Variants in STEAP1B observed in about 807,000 individuals in gnomAD.
STEAP1B encodes the protein STEAP family member 1B.
A neutral mutation model predicts 27.9 loss-of-function variants in STEAP1B; 13 were observed. The observed-to-expected ratio is 0.47, with a 90% CI of 0.30 to 0.74. The LOEUF (loss-of-function observed/expected upper bound fraction) is 0.74, where lower values mean the gene tolerates loss of function less well. STEAP1B is among the 30% of genes least tolerant of loss of function. STEAP1B has a pLI of 0.06. For missense variants in STEAP1B, 250 were observed against 298.7 expected, an observed-to-expected ratio of 0.84 and a Z score of 1.20; for synonymous variants, 86 against 107.1, an observed-to-expected ratio of 0.80 and a Z score of 1.22.
chr7:22,471,664 G>C (rs914345774), intron 4 of STEAP1B, among the ~76,000 whole-genome samples: 1 of 152,070 alleles, frequency 6.6e-6, no homozygotes, highest in African/African-American at 2.4e-5. Flanking sequence ...CAGTGCCATG[G>C]GAGGCTGAGG....
intron 4 of STEAP1B, among the ~76,000 whole-genome samples, chr7:22,483,380 C>T (rs1288923656): frequency 5.9e-5 from 9 of 152,308 alleles, no homozygotes; most frequent in African/African-American, 1.9e-4. Flanking sequence ...AAACAGGAAA[C>T]GTGGAAGTTG....
chr7:22,479,679 C>CTTTTTTTT lies in STEAP1B; in HGVS notation c.762+12878_762+12885dup, dbSNP rs569050091. ...GACAGTAGCCACTAGTCATGTGTGG[C>CTTTTTTTT]TTTTTTTTTTTTTTTTTTTTTCTGA... On this transcript the variant is annotated intron_variant, in intron 4 of 4. Coordinates refer to ENST00000678116, the MANE Select transcript of STEAP1B (RefSeq NM_001382447.1). Among the ~76,000 whole-genome samples the CTTTTTTTT allele has an allele frequency of 1.7e-4, 16 of 92,116 alleles. 1 individual carries two copies. The highest frequency in any genetic ancestry group is 4.2e-4 in the African/African-American group (9 of 21,318). The allele number at this position is 92,116 out of a possible 152,430, so 60.4% of individuals were successfully genotyped here.
At chr7:22,498,886 A>G (rs1372204292) in intron 1 of STEAP1B, among the ~76,000 whole-genome samples, 1 of 152,294 alleles carries the variant, frequency 6.6e-6, no homozygotes, top group East Asian at 1.9e-4. Context: ...AGGAGACCAC[A>G]CTCAAGAGCG....
chr7:22,446,993 A>C (rs1164188930), intron 4 of STEAP1B, among the ~76,000 whole-genome samples: 2 of 152,206 alleles, frequency 1.3e-5, no homozygotes, highest in Non-Finnish European at 2.9e-5. Context: ...ATATAGCTTA[A>C]GGGTTTGCTC....
At chr7:22,479,128 AG>A (rs1166547170) in intron 4 of STEAP1B, among the ~76,000 whole-genome samples, 1 of 152,262 alleles carries the variant, frequency 6.6e-6, no homozygotes, top group African/African-American at 2.4e-5. Flanking sequence ...ACACCCAAGG[AG>A]AAATGAAGTC....
intron 1 of STEAP1B, among the ~76,000 whole-genome samples, chr7:22,498,475 T>C (rs1786479462): frequency 6.6e-6 from 1 of 152,224 alleles, no homozygotes; most frequent in African/African-American, 2.4e-5. Context: ...TAGAAGATCT[T>C]TTAACTTTGA....
intron 4 of STEAP1B, among the ~76,000 whole-genome samples, chr7:22,468,272 C>G (rs1357722951): frequency 6.6e-6 from 1 of 152,082 alleles, no homozygotes; most frequent in Admixed American, 6.6e-5. Context: ...GTGCTTTACA[C>G]ATATTGATTC....
intron 4 of STEAP1B, among the ~76,000 whole-genome samples, chr7:22,445,458 T>C (rs781648002): frequency 1.6e-4 from 24 of 152,238 alleles, no homozygotes; most frequent in Non-Finnish European, 4.4e-5. Context: ...CCGGCAGCCT[T>C]GTGAGAACCG....
At chr7:22,492,805 T>C (rs1207872017) in intron 3 of STEAP1B, 76 bp from the exon 4 acceptor site, 6 of 1,517,488 alleles carry the variant, frequency 4.0e-6, no homozygotes, top group Non-Finnish European at 5.3e-6. Context: ...TTCTACACTC[T>C]TCCCTGTGTG....
chr7:22,430,858 C>T (rs1425769857), intron 4 of STEAP1B, among the ~76,000 whole-genome samples: 1 of 152,218 alleles, frequency 6.6e-6, no homozygotes, highest in Non-Finnish European at 1.5e-5. Flanking sequence ...CTGCATTTTT[C>T]CCAATCTGGT....
At chr7:22,462,500 C>T (rs376611257) in intron 4 of STEAP1B, among the ~76,000 whole-genome samples, 12,285 of 132,298 alleles carry the variant, frequency 0.093, 808 homozygotes, top group Non-Finnish European at 0.13. Flanking sequence ...TTTGTTCTTG[C>T]GATAGTTTAC....
chr7:22,472,296 T>C (rs143393911), intron 4 of STEAP1B, among the ~76,000 whole-genome samples: 9 of 152,308 alleles, frequency 5.9e-5, no homozygotes, highest in African/African-American at 2.2e-4. Context: ...TACATCCCCA[T>C]GTGCAGCCAC....
At chr7:22,464,963 A>ATATATATATATATATATG (rs1785750361) in intron 4 of STEAP1B, among the ~76,000 whole-genome samples, 2 of 129,044 alleles carry the variant, frequency 1.5e-5, no homozygotes, top group Non-Finnish European at 3.3e-5. Context: ...ATATATATAT[A>ATATATATATATATATATG]TGTAGGCACA....
At chr7:22,491,202 G>C (rs2042884286) in intron 4 of STEAP1B, among the ~76,000 whole-genome samples, 1 of 152,092 alleles carries the variant, frequency 6.6e-6, no homozygotes, top group African/African-American at 2.4e-5. Flanking sequence ...TGTGTTGAAG[G>C]TTTCTTTTTA....
At chr7:22,455,079 G>C (rs1171935036) in intron 4 of STEAP1B, among the ~76,000 whole-genome samples, 1 of 151,900 alleles carries the variant, frequency 6.6e-6, no homozygotes, top group Non-Finnish European at 1.5e-5. Flanking sequence ...TGGCCAGGAT[G>C]GTCTCGATCT....
chr7:22,444,317 G>A (rs1240794148), intron 4 of STEAP1B, among the ~76,000 whole-genome samples: 1 of 152,164 alleles, frequency 6.6e-6, no homozygotes, highest in African/African-American at 2.4e-5. Flanking sequence ...TTGAGAGGGC[G>A]TGAGCAGGAT....
At chr7:22,460,101 G>A (rs1262925562) in intron 4 of STEAP1B, among the ~76,000 whole-genome samples, 2 of 151,978 alleles carry the variant, frequency 1.3e-5, no homozygotes, top group Non-Finnish European at 2.9e-5. Flanking sequence ...CTTGAGCCCA[G>A]GAATTTGAAA....
chr7:22,488,276 G>A (rs1055718518), intron 4 of STEAP1B, among the ~76,000 whole-genome samples: 8 of 152,236 alleles, frequency 5.3e-5, no homozygotes, highest in African/African-American at 1.7e-4. Context: ...GTGTGGCAGA[G>A]GATACCTTCC....
At chr7:22,455,836 G>A (rs760352742) in intron 4 of STEAP1B, among the ~76,000 whole-genome samples, 2 of 152,184 alleles carry the variant, frequency 1.3e-5, no homozygotes, top group African/African-American at 4.8e-5. Flanking sequence ...AAAGGCAAAC[G>A]AGTATTTCGA....
Sources: allele counts gnomAD v4.1 joint callset (sites outside exome capture counted in the v4.1 genomes callset), GRCh38; gene constraint gnomAD v4.1.1; transcripts MANE v1.5; gene names NCBI Gene and HGNC (gene_info 2026-07-23, HGNC 2026-07-21).